Variants in ATF7IP observed in about 807,000 individuals in gnomAD.
ATF7IP encodes the protein activating transcription factor 7 interacting protein.
ATF7IP carries 23 observed loss-of-function variants against 106.4 expected under a neutral mutation model. The observed-to-expected ratio is 0.22, with a 90% CI of 0.16 to 0.31. ATF7IP has a LOEUF of 0.31. Among genes scored for constraint, ATF7IP ranks in the 10% least tolerant of loss-of-function variants. The pLI is 1.00. For synonymous variants in ATF7IP, 542 were observed against 539.0 expected (o/e 1.01, Z -0.08); for missense variants, 1,334 against 1,524.3 (o/e 0.88, Z 2.08).
chr12:14,463,577 T>C (rs1742539313), intron 9 of ATF7IP, among the ~76,000 whole-genome samples: 1 of 152,010 alleles, frequency 6.6e-6, no homozygotes, highest in South Asian at 2.1e-4. Context: ...AAAGAGAACA[T>C]GGGAAATCTG....
intron 1 of ATF7IP, among the ~76,000 whole-genome samples, chr12:14,377,111 C>T (rs1938774735): frequency 1.3e-5 from 2 of 151,548 alleles, no homozygotes; most frequent in African/African-American, 4.9e-5. Flanking sequence ...TCTTGTGCTT[C>T]AGCCTTCCGA....
chr12:14,443,392 T>C (rs1178309631), intron 5 of ATF7IP, among the ~76,000 whole-genome samples: 2 of 152,032 alleles, frequency 1.3e-5, no homozygotes, highest in Non-Finnish European at 2.9e-5. Flanking sequence ...GAAAAAAACA[T>C]AGTTTAGTTT....
At chr12:14,440,367 A>G (rs188403175) in intron 5 of ATF7IP, among the ~76,000 whole-genome samples, 399 of 152,238 alleles carry the variant, frequency 2.6e-3, no homozygotes, top group Non-Finnish European at 4.6e-3. Context: ...TTATAGTCCA[A>G]GTTCCTCAAT....
rs1945089654 is a variant in ATF7IP, at chr12:14,499,008, G to C, written c.*935G>C. The C allele has an allele frequency of 6.6e-6, 1 of 152,276 alleles. No homozygotes were observed. The highest frequency in any genetic ancestry group is 1.9e-4 in the East Asian group (1 of 5,176). 9.4% of individuals were successfully genotyped at this position (152,276 alleles called of 1,614,324 possible). A position where few individuals can be genotyped will look rare whatever the true frequency, so the allele number is the denominator to read the frequency against. On this transcript the variant is annotated 3_prime_UTR_variant, in exon 15 of 15. Coordinates refer to ENST00000261168, the MANE Select transcript of ATF7IP (RefSeq NM_018179.5). ...TTACAGGCACCTGTCACCATGCCCGGCTAATTTTTGTATTTTTAGTAGAGA... is the reference window on the plus strand; with the variant it reads ...TTACAGGCACCTGTCACCATGCCCGCCTAATTTTTGTATTTTTAGTAGAGA...
chr12:14,417,620 G>A (rs1941269828), intron 1 of ATF7IP, among the ~76,000 whole-genome samples: 1 of 152,026 alleles, frequency 6.6e-6, no homozygotes, highest in Non-Finnish European at 1.5e-5. Flanking sequence ...TATTCCTCAG[G>A]TAGGAAATTA....
intron 13 of ATF7IP, among the ~76,000 whole-genome samples, chr12:14,492,906 A>G (rs1167345269): frequency 1.3e-5 from 2 of 152,142 alleles, no homozygotes; most frequent in Non-Finnish European, 2.9e-5. Context: ...GCCCTCACAA[A>G]TCTGTTTCGC....
intron 8 of ATF7IP, among the ~76,000 whole-genome samples, chr12:14,458,320 C>T (rs895437751): frequency 1.6e-4 from 25 of 152,258 alleles, no homozygotes; most frequent in African/African-American, 5.8e-4. Context: ...ATATCTATAT[C>T]TGTTTTTAGT....
chr12:14,432,718 A>G (rs1043348277), intron 2 of ATF7IP, among the ~76,000 whole-genome samples: 1 of 152,152 alleles, frequency 6.6e-6, no homozygotes, highest in Admixed American at 6.5e-5. Flanking sequence ...TAAAATCCTG[A>G]TGATTGGAGA....
intron 5 of ATF7IP, among the ~76,000 whole-genome samples, chr12:14,440,204 A>G (rs1204100215): frequency 6.6e-6 from 1 of 152,080 alleles, no homozygotes; most frequent in African/African-American, 2.4e-5. Flanking sequence ...ATAAATCTCA[A>G]TTCTTTTCAC....
chr12:14,373,735 G>T (rs980316614), intron 1 of ATF7IP, among the ~76,000 whole-genome samples: 1 of 152,072 alleles, frequency 6.6e-6, no homozygotes, highest in Non-Finnish European at 1.5e-5. Flanking sequence ...TTAAGATTTA[G>T]GTTCAGTTAT....
intron 1 of ATF7IP, among the ~76,000 whole-genome samples, chr12:14,397,928 T>C (rs1939943949): frequency 6.6e-6 from 1 of 152,302 alleles, no homozygotes; most frequent in Middle Eastern, 3.4e-3. Flanking sequence ...GGCAGCCACC[T>C]TGAGATGATT....
chr12:14,393,843 AT>A, intron 1 of ATF7IP, among the ~76,000 whole-genome samples: 1 of 152,320 alleles, frequency 6.6e-6, no homozygotes, highest in Non-Finnish European at 1.5e-5. Context: ...TAGATAATAA[AT>A]TAACTAAAAA....
intron 12 of ATF7IP, among the ~76,000 whole-genome samples, chr12:14,480,455 T>TA (rs1455551206): frequency 2.0e-5 from 3 of 152,116 alleles, no homozygotes; most frequent in Non-Finnish European, 2.9e-5. Context: ...TTTACTGTTT[T>TA]AAAAAAAGAT....
rs1389673399 is a variant in ATF7IP, at chr12:14,494,327, ATATATATG to A, written c.3281-1902_3281-1895del. Among the ~76,000 whole-genome samples, 117 of 86,824 alleles carry A rather than the reference ATATATATG, an allele frequency of 1.3e-3. 2 individuals carry two copies. Among genetic ancestry groups the A allele is most frequent in the East Asian group, 5.1e-3 (15 of 2,952 alleles). The allele number at this position is 86,824 out of a possible 152,430, so 57.0% of individuals were successfully genotyped here. A position where few individuals can be genotyped will look rare whatever the true frequency, so the allele number is the denominator to read the frequency against. On this transcript the variant is annotated intron_variant, in intron 13 of 14. Coordinates refer to ENST00000261168, the MANE Select transcript of ATF7IP (RefSeq NM_018179.5). Reference sequence around the variant, plus strand: ...TATATATATATATATATATATATATATATATATGTGTGTGTGTATATGTATATATACAC... The same window carrying A: ...TATATATATATATATATATATATATATGTGTGTGTATATGTATATATACAC...
intron 1 of ATF7IP, among the ~76,000 whole-genome samples, chr12:14,371,830 T>C (rs1217928502): frequency 6.6e-6 from 1 of 152,124 alleles, no homozygotes; most frequent in East Asian, 1.9e-4. Context: ...TTTTTTCTTT[T>C]AGGTTTTGAG....
chr12:14,449,506 G>C (rs1011416232), intron 6 of ATF7IP, among the ~76,000 whole-genome samples: 5 of 151,718 alleles, frequency 3.3e-5, no homozygotes, highest in African/African-American at 1.2e-4. Context: ...GTCTATTTTT[G>C]TGCCAGCACC....
intron 1 of ATF7IP, among the ~76,000 whole-genome samples, chr12:14,388,485 T>TA (rs1939369572): frequency 1.3e-5 from 2 of 152,098 alleles, no homozygotes; most frequent in Non-Finnish European, 2.9e-5. Flanking sequence ...TAGCTGACAT[T>TA]ACAGGCGCCC....
At chr12:14,443,858 C>T (rs1942827930) in intron 5 of ATF7IP, among the ~76,000 whole-genome samples, 1 of 152,018 alleles carries the variant, frequency 6.6e-6, no homozygotes, top group African/African-American at 2.4e-5. Flanking sequence ...TAATAGTTTT[C>T]CTTATATCAA....
chr12:14,469,609 C>T (rs1943963934), intron 10 of ATF7IP, among the ~76,000 whole-genome samples: 1 of 151,778 alleles, frequency 6.6e-6, no homozygotes, highest in Admixed American at 6.6e-5. Context: ...TTCAAATTAT[C>T]AACATAAGCT....
Sources: allele counts gnomAD v4.1 joint callset (sites outside exome capture counted in the v4.1 genomes callset), GRCh38; gene constraint gnomAD v4.1.1; transcripts MANE v1.5; gene names NCBI Gene and HGNC (gene_info 2026-07-23, HGNC 2026-07-21).